GNA11: variants seen among roughly 807,000 people sequenced by gnomAD.
GNA11 encodes the protein guanine nucleotide-binding protein subunit alpha-11.
Under a neutral mutation model 38.2 loss-of-function variants are expected in GNA11, and 8 were observed. The observed-to-expected ratio is 0.21, with a 90% CI of 0.12 to 0.38. The LOEUF (loss-of-function observed/expected upper bound fraction) is 0.38, where lower values mean the gene tolerates loss of function less well. GNA11 is among the 10% of genes least tolerant of loss of function. GNA11 has a pLI of 1.00. For missense variants in GNA11, 268 were observed against 516.3 expected (o/e 0.52, Z 4.66); for synonymous variants, 211 against 221.4 (o/e 0.95, Z 0.42).
At chr19:3,112,796 G>A (rs74948761) in intron 2 of GNA11, among the ~76,000 whole-genome samples, 2,749 of 152,334 alleles carry the variant, frequency 0.018, 29 homozygotes, top group African/African-American at 0.032. Context: ...TTTTTCGGAC[G>A]AAAGAGAGAA....
At chr19:3,117,869 C>T (rs1913964640) in intron 4 of GNA11, 1 of 152,354 alleles carries the variant, frequency 6.6e-6, no homozygotes, top group Non-Finnish European at 1.5e-5. Flanking sequence ...CTCCTGCTCC[C>T]TCAGGTGGGG....
In GNA11 at chr19:3,119,485, A is replaced by T; in HGVS notation, c.889+126A>T. The T allele has an allele frequency of 1.3e-6, 1 of 775,692 alleles. No homozygotes were observed. The highest frequency in any genetic ancestry group is 2.0e-6 in the Non-Finnish European group (1 of 489,890). 48.1% of individuals were successfully genotyped at this position (775,692 alleles called of 1,614,324 possible). ...GGGAGGGCGTCTGATGGGAGGTGTC[A>T]TGTATGGGAGTGGAGTCTCAGGGAA... On this transcript the variant is annotated intron_variant, in intron 6 of 6. Transcript: ENST00000078429. The surrounding 1 kb of genome is among the most constrained non-coding windows in gnomAD (Gnocchi z 4.6).
chr19:3,115,272 G>GC, intron 4 of GNA11, 200 bp downstream of exon 4: 1 of 530,624 alleles, frequency 1.9e-6, no homozygotes, highest in Non-Finnish European at 3.3e-6. Context: ...GGGCGTGGTT[G>GC]TGTGCACCTG....
intron 4 of GNA11, chr19:3,115,359 G>C (rs1231990393): frequency 2.8e-6 from 1 of 355,222 alleles, no homozygotes; most frequent in African/African-American, 2.1e-5. Flanking sequence ...GAGCCATGAT[G>C]GCACCACTGG....
At chr19:3,097,633 C>T (rs2145303587) in intron 1 of GNA11, among the ~76,000 whole-genome samples, 1 of 152,368 alleles carries the variant, frequency 6.6e-6, no homozygotes, top group South Asian at 2.1e-4. Flanking sequence ...GGTCGGTCAG[C>T]CTGGCGAGGA....
intron 3 of GNA11, 135 bp from the exon 4 acceptor site, chr19:3,114,809 A>G: frequency 2.5e-6 from 2 of 799,626 alleles, no homozygotes; most frequent in African/African-American, 1.7e-5. Flanking sequence ...TGCTTCAGAC[A>G]CTGCCGTAGG....
chr19:3,098,627 G>T (rs115780392), intron 1 of GNA11, among the ~76,000 whole-genome samples: 3,072 of 152,300 alleles, frequency 0.02, 31 homozygotes, highest in African/African-American at 0.03. Flanking sequence ...TCCGGCCTGC[G>T]CCAGCCCCCA....
chr19:3,105,149 C>T (rs956342386), intron 1 of GNA11, among the ~76,000 whole-genome samples: 10 of 152,156 alleles, frequency 6.6e-5, no homozygotes, highest in African/African-American at 1.2e-4. Flanking sequence ...AGTGCGTGCT[C>T]CCCTGCCACA....
rs1341437635 is a variant in GNA11, at chr19:3,094,381, C to G, written c.-271C>G. The G allele has an allele frequency of 2.0e-5, 3 of 149,864 alleles. No homozygotes were observed. The highest frequency in any genetic ancestry group is 4.5e-5 in the Non-Finnish European group (3 of 66,982). The allele number at this position is 149,864 out of a possible 1,614,324, so 9.3% of individuals were successfully genotyped here. On this transcript the variant is annotated 5_prime_UTR_variant, in exon 1 of 7. Coordinates refer to ENST00000078429, the MANE Select transcript of GNA11 (RefSeq NM_002067.5). The surrounding 1 kb of genome is among the most constrained non-coding windows in gnomAD (Gnocchi z 6.0). ...CCTGCTAGGTTGTCCGGCGCTGTCG[C>G]TCGGTTGCGGCGGCTGCGGTTGGCG...
chr19:3,114,826 A>G (rs996692676), intron 3 of GNA11, 118 bp from the exon 4 acceptor site: 5 of 943,240 alleles, frequency 5.3e-6, no homozygotes, highest in African/African-American at 3.3e-5. Context: ...TAGGTGGCGC[A>G]GTGCGCGGTC....
At chr19:3,104,853 G>T (rs76263612) in intron 1 of GNA11, among the ~76,000 whole-genome samples, 6 of 152,180 alleles carry the variant, frequency 3.9e-5, no homozygotes, top group Non-Finnish European at 8.8e-5. Context: ...CTTCCTGAAC[G>T]CCGGGCTCTT....
chr19:3,101,385 C>T (rs993281691), intron 1 of GNA11, among the ~76,000 whole-genome samples: 3 of 151,800 alleles, frequency 2.0e-5, no homozygotes, highest in Non-Finnish European at 4.4e-5. Flanking sequence ...GCTGGGTCCA[C>T]GCTGTGGGAT....
At chr19:3,099,500 A>ATGTAGCTCCTGCCG (rs1409431400) in intron 1 of GNA11, among the ~76,000 whole-genome samples, 1 of 152,194 alleles carries the variant, frequency 6.6e-6, no homozygotes, top group African/African-American at 2.4e-5. Context: ...TTGCAGGTGC[A>ATGTAGCTCCTGCCG]TGTAGCTCCT....
chr19:3,107,294 C>G (rs1049558779), intron 1 of GNA11, among the ~76,000 whole-genome samples: 1 of 152,204 alleles, frequency 6.6e-6, no homozygotes, highest in African/African-American at 2.4e-5. Context: ...TGGGCAGTGA[C>G]CTGTGGCGTT....
intron 4 of GNA11, chr19:3,115,324 A>G (rs1913883113): frequency 4.7e-6 from 2 of 426,596 alleles, no homozygotes; most frequent in East Asian, 4.6e-5. Flanking sequence ...AGGATCGCTC[A>G]AGCCCAGGAG....
intron 1 of GNA11, among the ~76,000 whole-genome samples, chr19:3,097,362 C>A (rs539126943): frequency 6.6e-6 from 1 of 152,152 alleles, no homozygotes; most frequent in African/African-American, 2.4e-5. Flanking sequence ...CATCCCTCCT[C>A]CCCCATGGCT....
At position 3,115,610 on chromosome 19, in the gene GNA11, G is replaced by A. The variant is rs549873629; in HGVS notation, c.605+538G>A. Among the ~76,000 whole-genome samples, 142 of 151,850 alleles carry A rather than the reference G, an allele frequency of 9.4e-4. 1 individual carries two copies. The highest frequency in any genetic ancestry group is 1.8e-3 in the Non-Finnish European group (121 of 67,952). On this transcript the variant is annotated intron_variant, in intron 4 of 6. Coordinates refer to ENST00000078429, the MANE Select transcript of GNA11 (RefSeq NM_002067.5). ...GGACATTTGACAGGGCCTCCAGGAC[G>A]GGCCGGGGGCCTGGTTGGAGCCAGC...
At chr19:3,112,952 C>T (rs1210934853) in intron 2 of GNA11, among the ~76,000 whole-genome samples, 5 of 152,202 alleles carry the variant, frequency 3.3e-5, no homozygotes, top group African/African-American at 9.7e-5. Flanking sequence ...GTTCTGTCGT[C>T]GTGCTTGGTC....
chr19:3,096,221 T>A (rs867287093), intron 1 of GNA11, among the ~76,000 whole-genome samples: 1 of 152,204 alleles, frequency 6.6e-6, no homozygotes, highest in African/African-American at 2.4e-5. Context: ...GCCTTCCTGA[T>A]TTTTTTCCCC....
Sources: gnomAD v4.1 joint callset for allele counts (sites outside exome capture counted in the v4.1 genomes callset) on GRCh38, gnomAD v4.1.1 for gene constraint, Gnocchi (gnomAD v3.1) non-coding constraint, MANE v1.5 for transcripts, NCBI Gene and HGNC (gene_info 2026-07-23, HGNC 2026-07-21) for gene names.